Variants in TRMT13 observed in about 807,000 individuals in gnomAD.
TRMT13 encodes the protein tRNA:m(4)X modification enzyme TRM13 homolog.
Under a neutral mutation model 55.9 loss-of-function variants are expected in TRMT13, and 45 were observed. The ratio of observed to expected loss-of-function variants is 0.80; its 90% CI spans 0.63 to 1.03. The LOEUF (loss-of-function observed/expected upper bound fraction) is 1.03, where lower values mean the gene tolerates loss of function less well. TRMT13 is among the 50% of genes least tolerant of loss of function. TRMT13 has a pLI of 0.00. For synonymous variants in TRMT13, 183 were observed against 196.3 expected (o/e 0.93, Z 0.57); for missense variants, 513 against 563.9 (o/e 0.91, Z 0.91).
At chr1:100,147,096 G>T (rs975408267) in intron 9 of TRMT13, among the ~76,000 whole-genome samples, 3 of 152,160 alleles carry the variant, frequency 2.0e-5, no homozygotes, top group African/African-American at 7.2e-5. Flanking sequence ...ACAATCTAAT[G>T]ATTAAGAAGA....
Position 100,148,610 on chromosome 1 carries a change from GT to G in TRMT13, c.1251-12del, listed in dbSNP as rs1474087961. 1 of 1,590,002 alleles carries G rather than the reference GT, an allele frequency of 6.3e-7. No homozygotes were observed. On this transcript the variant is annotated splice_polypyrimidine_tract_variant and intron_variant, in intron 10 of 10. Transcript: ENST00000370141. The stretch of plus-strand genomic sequence containing the variant: ...AAAATTTTAACAATGTTTTGTGTGT[GT>G]TTATTCAATTTAGGCTTCTTAGTGT...
chr1:100,144,295 A>G, intron 9 of TRMT13, 152 bp downstream of exon 9: 1 of 579,612 alleles, frequency 1.7e-6, no homozygotes, highest in Admixed American at 3.3e-5. Context: ...TATTAGATGC[A>G]TAGCTTTCCT....
chr1:100,145,086 G>A (rs1459201586), intron 9 of TRMT13, among the ~76,000 whole-genome samples: 2 of 152,100 alleles, frequency 1.3e-5, no homozygotes, highest in Non-Finnish European at 2.9e-5. Context: ...ATACCATTGT[G>A]TTACAGTTGC....
At chr1:100,138,537 A>G (rs971673373) in intron 3 of TRMT13, among the ~76,000 whole-genome samples, 1 of 152,184 alleles carries the variant, frequency 6.6e-6, no homozygotes, top group Non-Finnish European at 1.5e-5. Context: ...ACCAGTTTCC[A>G]TTGCAAGCAA....
chr1:100,140,752 A>G, intron 6 of TRMT13, 100 bp from the exon 7 acceptor site: 6 of 1,176,622 alleles, frequency 5.1e-6, no homozygotes, highest in African/African-American at 3.1e-5. Context: ...CAAATTATCA[A>G]TGTAAGCATA....
chr1:100,148,690 G>A lies in TRMT13; in HGVS notation c.1316G>A (p.Arg439Gln), dbSNP rs1657620729. 5 of 1,613,248 alleles carry A rather than the reference G, an allele frequency of 3.1e-6. No individual in the cohort carries two copies. In the East Asian group the frequency reaches 6.7e-5, roughly 22 times the overall value. ...HLCKLLIDQG[R>Q]IQYLQQKGFS... Reference sequence around the variant, plus strand: ...TGTAAATTGCTGATTGACCAAGGTCGAATCCAGTATTTGCAGCAGAAGGGA... The same window carrying A: ...TGTAAATTGCTGATTGACCAAGGTCAAATCCAGTATTTGCAGCAGAAGGGA... Residue 439 changes from arginine (R) to glutamine (Q), a missense_variant, in exon 11 of 11, where the codon CGA becomes CAA. By Grantham distance (43) the Arg-to-Gln change is conservative. Coordinates refer to ENST00000370141, the MANE Select transcript of TRMT13 (RefSeq NM_019083.3).
chr1:100,142,874 ATC>A (rs1656794057), intron 7 of TRMT13: 1 of 435,446 alleles, frequency 2.3e-6, no homozygotes. Flanking sequence ...ATCACTTAAG[ATC>A]TGTGAACTTC....
intron 8 of TRMT13, among the ~76,000 whole-genome samples, 187 bp downstream of exon 8, chr1:100,143,396 T>A (rs557874681): frequency 3.9e-5 from 6 of 152,240 alleles, no homozygotes; most frequent in Admixed American, 1.3e-4. Flanking sequence ...TTGAGAATTT[T>A]AAAAATTTTC....
chr1:100,148,564 T>A, intron 10 of TRMT13, 61 bp from the exon 11 acceptor site: 1 of 1,458,808 alleles, frequency 6.9e-7, no homozygotes. Context: ...GTGACAAAAA[T>A]AATTTTTTAT....
chr1:100,140,672 G>T (rs997294062), intron 6 of TRMT13, 158 bp downstream of exon 6: 27 of 830,234 alleles, frequency 3.3e-5, no homozygotes, highest in Non-Finnish European at 4.8e-5. Context: ...AAAATTGAGG[G>T]CATGGATGTG....
chr1:100,146,500 C>T (rs1166175244), intron 9 of TRMT13, among the ~76,000 whole-genome samples: 1 of 151,642 alleles, frequency 6.6e-6, no homozygotes, highest in Non-Finnish European at 1.5e-5. Flanking sequence ...TCTGAAATAA[C>T]TTAATTCTTT....
rs1439700288 is a variant in TRMT13, at chr1:100,146,938, A to T, written c.818-956A>T. Among the ~76,000 whole-genome samples the T allele has an allele frequency of 2.0e-5, 3 of 152,250 alleles. No individual in the cohort carries two copies. In the East Asian group the frequency reaches 5.8e-4, roughly 29 times the overall value. ...GATTAGCTATCACTTTCTGCAAATA[A>T]TGGGTTTCTAATGTTTGTTGACTTA... On this transcript the variant is annotated intron_variant, in intron 9 of 10. Transcript: ENST00000370141.
chr1:100,145,166 G>C (rs1657079622), intron 9 of TRMT13, among the ~76,000 whole-genome samples: 1 of 152,204 alleles, frequency 6.6e-6, no homozygotes, highest in Non-Finnish European at 1.5e-5. Flanking sequence ...TACACCCTAG[G>C]TGTGTAGTAG....
rs568817983 is a variant in TRMT13 at position 100,135,584 on chromosome 1, A to G, written c.148-1298A>G. ...AGCTCACTTAATGTGTTCAAACCTT[A>G]GAAGGTAAGACATATTTTTGTTCTC... On this transcript the variant is annotated intron_variant, in intron 1 of 10. Coordinates refer to ENST00000370141, the MANE Select transcript of TRMT13 (RefSeq NM_019083.3). Among the ~76,000 whole-genome samples, 6 of 152,312 alleles carry G rather than the reference A, an allele frequency of 3.9e-5. No homozygotes were observed. The South Asian group carries it at 8.3e-4, about 21-fold the overall frequency.
Position 100,148,217 on chromosome 1 carries a change from G to C in TRMT13, c.1141G>C (p.Glu381Gln). The part of the protein sequence containing the change: ...ATCGMRKTSL[E>Q]TSNSTTKRQD... The stretch of plus-strand genomic sequence containing the variant: ...TTGTGGGATGCGGAAAACATCTTTG[G>C]AAACCTCAAATAGTACCACAAAGAG... The change falls in exon 10 of 11, where the codon GAA (glutamate) becomes CAA (glutamine). Residue 381 changes from glutamate (E) to glutamine (Q), a missense_variant. Physicochemically the swap from Glu to Gln is conservative, Grantham distance 29 (BLOSUM62 2). Around this residue, in one of 3 missense-constraint regions of TRMT13, gnomAD observed 209 missense variants for 255.8 expected, o/e 0.82. Coordinates refer to ENST00000370141, the MANE Select transcript of TRMT13 (RefSeq NM_019083.3). The C allele has an allele frequency of 6.2e-7, 1 of 1,614,112 alleles. No individual in the cohort carries two copies. Among genetic ancestry groups the C allele is most frequent in the Non-Finnish European group, 8.5e-7 (1 of 1,180,018 alleles).
chr1:100,134,260 T>G lies in TRMT13; in HGVS notation c.147+945T>G, dbSNP rs943477209. Among the ~76,000 whole-genome samples, 5 of 152,160 alleles carry G rather than the reference T, an allele frequency of 3.3e-5. No individual in the cohort carries two copies. In the East Asian group the frequency reaches 7.7e-4, roughly 23 times the overall value. ...TTATATTTGTATATATGTATATTAC[T>G]TTAGGATATATATGAGATGGGAAAA... On this transcript the variant is annotated intron_variant, in intron 1 of 10. Coordinates refer to ENST00000370141, the MANE Select transcript of TRMT13 (RefSeq NM_019083.3).
chr1:100,144,944 C>T (rs1353424901), intron 9 of TRMT13, among the ~76,000 whole-genome samples: 1 of 152,078 alleles, frequency 6.6e-6, no homozygotes, highest in Non-Finnish European at 1.5e-5. Context: ...TTGTGTTGGC[C>T]TTCATAGTTT....
rs201445065 is a variant in TRMT13, at chr1:100,140,983, C to T, written c.633C>T (p.His211=). 6.2e-7 allele frequency: 1 copy of T among 1,613,240 alleles called. No homozygotes were observed. The highest frequency in any genetic ancestry group is 8.5e-7 in the Non-Finnish European group (1 of 1,179,590). The change falls in exon 7 of 11, where the codon CAC becomes CAT. Residue 211 remains histidine, a synonymous_variant. Transcript: ENST00000370141. ...CCTTAAAAGATGCTGAAAAAGTTCA[C>T]TTCATCCTAGTGGAAAAGGTGACCA... is the stretch of plus-strand genomic sequence containing the variant. ...DIALKDAEKV[H]FILVEKVTTR...
At position 100,147,964 on chromosome 1, in the gene TRMT13, C is replaced by T; in HGVS notation, c.888C>T (p.Ala296=). The change falls in exon 10 of 11, where the codon GCC becomes GCT. Residue 296 remains alanine (A), a synonymous_variant. Coordinates refer to ENST00000370141, the MANE Select transcript of TRMT13 (RefSeq NM_019083.3). ...AGGAAAGGAATGAAGAACCTTTAGC[C>T]AAACGCATAAAGAATGATAAAACAG... The part of the protein sequence containing the change: ...SFEERNEEPL[A]KRIKNDKTEK... 6.2e-7 allele frequency: 1 copy of T among 1,613,700 alleles called. No individual in the cohort carries two copies.
Sources: allele counts gnomAD v4.1 joint callset (sites outside exome capture counted in the v4.1 genomes callset), GRCh38; gene constraint gnomAD v4.1.1; regional missense constraint gnomAD v4.1.1; transcripts MANE v1.5; gene names NCBI Gene and HGNC (gene_info 2026-07-23, HGNC 2026-07-21).